AMBRA1: variants seen among roughly 807,000 people sequenced by gnomAD.
AMBRA1 encodes the protein autophagy and beclin 1 regulator 1, also known as activating molecule in BECN1-regulated autophagy protein 1.
Under a neutral mutation model 125.4 loss-of-function variants are expected in AMBRA1, and 47 were observed. The ratio of observed to expected loss-of-function variants is 0.37; its 90% CI spans 0.30 to 0.48. AMBRA1 has a LOEUF of 0.48. AMBRA1 is among the 20% of genes least tolerant of loss of function. The pLI, the probability that AMBRA1 is intolerant of heterozygous loss-of-function variation, is 0.99. For synonymous variants in AMBRA1, 626 were observed against 655.5 expected (o/e 0.95, Z 0.69); for missense variants, 1,331 against 1,693.4 (o/e 0.79, Z 3.76).
At chr11:46,425,608 G>A (rs1278556771) in intron 14 of AMBRA1, among the ~76,000 whole-genome samples, 1 of 151,916 alleles carries the variant, frequency 6.6e-6, no homozygotes, top group Non-Finnish European at 1.5e-5. Context: ...TTGGGAGGCT[G>A]AGGCAGGTGG....
intron 1 of AMBRA1, among the ~76,000 whole-genome samples, chr11:46,560,564 C>G (rs2043298200): frequency 6.6e-6 from 1 of 152,184 alleles, no homozygotes; most frequent in African/African-American, 2.4e-5. Context: ...CTTACTCCCA[C>G]TTACCTCAGA....
chr11:46,438,705 C>T (rs528477749), intron 12 of AMBRA1, among the ~76,000 whole-genome samples: 5 of 152,262 alleles, frequency 3.3e-5, no homozygotes, highest in South Asian at 2.1e-4. Context: ...ACTCATCCGC[C>T]GGGTTTCTTA....
intron 7 of AMBRA1, among the ~76,000 whole-genome samples, chr11:46,513,678 T>C (rs1817240574): frequency 6.6e-6 from 1 of 152,122 alleles, no homozygotes; most frequent in Admixed American, 6.5e-5. Context: ...TGCAAGACCT[T>C]CCACGGTCCA....
chr11:46,446,026 G>A (rs576166956), intron 11 of AMBRA1, among the ~76,000 whole-genome samples: 4 of 152,168 alleles, frequency 2.6e-5, no homozygotes, highest in Non-Finnish European at 5.9e-5. Flanking sequence ...CCCGGCTCCA[G>A]AGGCATCCTG....
At chr11:46,511,968 C>A (rs1156544261) in intron 8 of AMBRA1, among the ~76,000 whole-genome samples, 1 of 152,190 alleles carries the variant, frequency 6.6e-6, no homozygotes, top group Non-Finnish European at 1.5e-5. Flanking sequence ...GATTCTCCTG[C>A]CTCAGCCTCC....
At chr11:46,549,579 C>T (rs1311969970) in intron 1 of AMBRA1, among the ~76,000 whole-genome samples, 1 of 152,054 alleles carries the variant, frequency 6.6e-6, no homozygotes, top group Non-Finnish European at 1.5e-5. Context: ...GGATGTTCTG[C>T]CTCATAACCA....
At chr11:46,585,449 C>A (rs542909187) in intron 1 of AMBRA1, among the ~76,000 whole-genome samples, 83 of 149,442 alleles carry the variant, frequency 5.6e-4, no homozygotes, top group Non-Finnish European at 1.1e-3. Context: ...AGGTGGACCA[C>A]GAGGTCAGGA....
rs76191706 is a variant in AMBRA1, at chr11:46,525,765, T to C, written c.2073-12952A>G. On this transcript the variant is annotated intron_variant, in intron 7 of 17. Coordinates refer to ENST00000683756, the MANE Select transcript of AMBRA1 (RefSeq NM_001387011.1). ...GACTCCGTCTCAAAAAAAAAAAAATTAGCCAGCATGGTGGCAGGTGCCTAT... is the reference window on the plus strand; with the variant it reads ...GACTCCGTCTCAAAAAAAAAAAAATCAGCCAGCATGGTGGCAGGTGCCTAT... 2.5e-3 allele frequency among the ~76,000 whole-genome samples: 378 copies of C among 149,832 alleles called. 3 individuals carry two copies. Among genetic ancestry groups the C allele is most frequent in the African/African-American group, 8.6e-3 (351 of 40,700 alleles).
At chr11:46,477,320 T>A (rs1320304309) in intron 11 of AMBRA1, among the ~76,000 whole-genome samples, 1 of 151,180 alleles carries the variant, frequency 6.6e-6, no homozygotes, top group African/African-American at 2.4e-5. Flanking sequence ...TAAAGATACT[T>A]CTTTTTTTTT....
intron 11 of AMBRA1, chr11:46,491,197 C>A (rs1228190589): frequency 6.6e-6 from 1 of 152,146 alleles, no homozygotes; most frequent in Non-Finnish European, 1.5e-5. Flanking sequence ...GGAGCTCTCT[C>A]CCTCTTATAA....
At chr11:46,402,713 T>C (rs1000087246) in intron 17 of AMBRA1, among the ~76,000 whole-genome samples, 1 of 152,198 alleles carries the variant, frequency 6.6e-6, no homozygotes, top group African/African-American at 2.4e-5. Context: ...AGAGACACAA[T>C]GGATTCATCT....
intron 7 of AMBRA1, among the ~76,000 whole-genome samples, chr11:46,539,933 G>A (rs973477483): frequency 1.2e-4 from 19 of 152,098 alleles, no homozygotes; most frequent in African/African-American, 4.6e-4. Context: ...CTGGGTTCAA[G>A]CGATTCTCCT....
At position 46,429,218 on chromosome 11, in the gene AMBRA1, C is replaced by T. The variant is rs533365506; in HGVS notation, c.2976+4256G>A. ...CCCTCGGACAATCTTCGCCTACCAGCGGCCCCCTACCCCATAAAATAAGCC... is the reference window on the plus strand; with the variant it reads ...CCCTCGGACAATCTTCGCCTACCAGTGGCCCCCTACCCCATAAAATAAGCC... On this transcript the variant is annotated intron_variant, in intron 14 of 17. Coordinates refer to ENST00000683756, the MANE Select transcript of AMBRA1 (RefSeq NM_001387011.1). 134 of 1,284,694 alleles carry T rather than the reference C, an allele frequency of 1.0e-4. 2 individuals carry two copies. In the African/African-American group the frequency reaches 1.2e-3, roughly 12 times the overall value. The allele number at this position is 1,284,694 out of a possible 1,614,324, so 79.6% of individuals were successfully genotyped here.
At position 46,567,829 on chromosome 11, in the gene AMBRA1, CTGCCGTG is replaced by C. The variant is rs1481485372; in HGVS notation, c.-120-19336_-120-19330del. 3.3e-5 allele frequency among the ~76,000 whole-genome samples: 5 copies of C among 152,280 alleles called. 1 individual carries two copies. In the East Asian group the frequency reaches 9.6e-4, roughly 29 times the overall value. Reference sequence around the variant, plus strand: ...CAATCAGCAGCACCCATTCCCTAGCCTGCCGTGTGCCAAACTATACTTGAAAAACCTA... The same window carrying C: ...CAATCAGCAGCACCCATTCCCTAGCCTGCCAAACTATACTTGAAAAACCTA... On this transcript the variant is annotated intron_variant, in intron 1 of 17. Coordinates refer to ENST00000683756, the MANE Select transcript of AMBRA1 (RefSeq NM_001387011.1).
intron 7 of AMBRA1, among the ~76,000 whole-genome samples, chr11:46,513,268 C>CTTT (rs71451654): frequency 2.5e-5 from 3 of 122,376 alleles, no homozygotes; most frequent in African/African-American, 8.5e-5. Context: ...GCTCTTTTTT[C>CTTT]TTTTTTTTTT....
intron 7 of AMBRA1, among the ~76,000 whole-genome samples, chr11:46,519,112 T>A (rs1951647023): frequency 6.6e-6 from 1 of 152,196 alleles, no homozygotes; most frequent in African/African-American, 2.4e-5. Flanking sequence ...CAACTTCTGC[T>A]TCCTGTGCTT....
chr11:46,470,393 T>C (rs759475608), intron 11 of AMBRA1, among the ~76,000 whole-genome samples: 1 of 151,758 alleles, frequency 6.6e-6, no homozygotes, highest in Non-Finnish European at 1.5e-5. Context: ...TCGAGACCAA[T>C]CCTGGCTAAC....
intron 11 of AMBRA1, among the ~76,000 whole-genome samples, chr11:46,449,728 GA>G (rs1213021033): frequency 6.6e-6 from 1 of 152,080 alleles, no homozygotes; most frequent in Non-Finnish European, 1.5e-5. Flanking sequence ...AATATGGAAG[GA>G]AAACACAAAA....
At position 46,512,737 on chromosome 11, in the gene AMBRA1, C is replaced by G; in HGVS notation, c.2149G>C (p.Asp717His). Reference sequence around the variant, plus strand: ...TCACTTTGGCCTTACCTCGCTGGGTCTGGGTAAATTGGGTGCTCTCTGGAT... The same window carrying G: ...TCACTTTGGCCTTACCTCGCTGGGTGTGGGTAAATTGGGTGCTCTCTGGAT... ...AGSREHPIYP[D>H]PARLSPAAYY... Residue 717 changes from aspartate to histidine, a missense_variant, in exon 8 of 18, where the codon GAC (aspartate) becomes CAC (histidine). This residue lies in a region of AMBRA1 where 689 missense variants were observed against 776.5 expected (regional missense o/e 0.89). Transcript: ENST00000683756. 6.2e-7 allele frequency: 1 copy of G among 1,613,296 alleles called. No individual in the cohort carries two copies. Among genetic ancestry groups the G allele is most frequent in the East Asian group, 2.2e-5 (1 of 44,806 alleles).
Sources: allele counts gnomAD v4.1 joint callset (sites outside exome capture counted in the v4.1 genomes callset), GRCh38; gene constraint gnomAD v4.1.1; regional missense constraint gnomAD v4.1.1; transcripts MANE v1.5; gene names NCBI Gene and HGNC (gene_info 2026-07-23, HGNC 2026-07-21).